The following TP63 variants were observed in gnomAD, a reference collection of about 807,000 sequenced individuals.
TP63 encodes tumor protein 63.
TP63 carries 17 observed loss-of-function variants against 82.8 expected under a neutral mutation model. The ratio of observed to expected loss-of-function variants is 0.21; its 90% CI spans 0.14 to 0.31. TP63 has a LOEUF of 0.31. TP63 is among the 10% of genes least tolerant of loss of function. The pLI is 1.00. For synonymous variants in TP63, 330 were observed against 321.7 expected (o/e 1.03, Z -0.28); for missense variants, 648 against 895.3 (o/e 0.72, Z 3.52).
the TP63 span, among the ~76,000 whole-genome samples, chr3:189,613,852 T>A: frequency 2.6e-5 from 4 of 152,212 alleles, no homozygotes; most frequent in Non-Finnish European, 4.4e-5. Context: ...GCATGGGCCC[T>A]GTAACCCCTT....
intron 1 of TP63, among the ~76,000 whole-genome samples, chr3:189,656,302 A>T (rs1474357546): frequency 6.6e-6 from 1 of 152,124 alleles, no homozygotes; most frequent in South Asian, 2.1e-4. Context: ...ACAGACTTAG[A>T]TTAGTTAAAA....
the TP63 span, among the ~76,000 whole-genome samples, chr3:189,619,526 A>G: frequency 6.6e-6 from 1 of 152,166 alleles, no homozygotes; most frequent in African/African-American, 2.4e-5. Context: ...TTGTTTTTGC[A>G]AAGAGGGCCT....
chr3:189,816,870 T>TA (rs1728245366), intron 4 of TP63, among the ~76,000 whole-genome samples: 1 of 152,128 alleles, frequency 6.6e-6, no homozygotes, highest in Non-Finnish European at 1.5e-5. Context: ...ACGTGAAATT[T>TA]AAAAGAAAAT....
At chr3:189,631,252 A>G, upstream of TP63, 1 of 985,388 alleles carries the variant, frequency 1.0e-6, no homozygotes, top group Non-Finnish European at 1.2e-6. Flanking sequence ...GGGGAAGAAC[A>G]ACAGTAGAGA....
chr3:189,767,720 T>TAGAC (rs1328568202), intron 3 of TP63, among the ~76,000 whole-genome samples: 1 of 152,124 alleles, frequency 6.6e-6, no homozygotes, highest in East Asian at 1.9e-4. Context: ...AATTGTCTGA[T>TAGAC]AGACAATAGA....
chr3:189,819,757 T>TG (rs938280908), intron 4 of TP63, among the ~76,000 whole-genome samples: 6 of 103,402 alleles, frequency 5.8e-5, no homozygotes, highest in African/African-American at 1.8e-4. Flanking sequence ...CTTTTTTTTT[T>TG]TTTTTTTTTT....
intron 3 of TP63, chr3:189,789,911 AC>A: frequency 6.9e-7 from 1 of 1,441,018 alleles, no homozygotes; most frequent in Non-Finnish European, 9.2e-7. Context: ...AAAAAAACTT[AC>A]GTATTTGCGG....
At chr3:189,819,768 T>TTTTTTTC (rs1553847710) in intron 4 of TP63, among the ~76,000 whole-genome samples, 4 of 120,550 alleles carry the variant, frequency 3.3e-5, no homozygotes, top group Admixed American at 9.3e-5. Flanking sequence ...TTTTTTTTTT[T>TTTTTTTC]TGAGACAGTC....
intron 1 of TP63, among the ~76,000 whole-genome samples, chr3:189,651,644 G>A (rs1417177710): frequency 4.1e-5 from 6 of 146,150 alleles, no homozygotes; most frequent in Non-Finnish European, 8.9e-5. Flanking sequence ...ACGAGGAGCC[G>A]AATGTTAATC....
chr3:189,768,158 T>G (rs1213727811), intron 3 of TP63, among the ~76,000 whole-genome samples: 1 of 152,160 alleles, frequency 6.6e-6, no homozygotes, highest in African/African-American at 2.4e-5. Flanking sequence ...CTGTTGCTGT[T>G]GCTGTTTTTT....
At chr3:189,643,914 G>A (rs1043413752) in intron 1 of TP63, among the ~76,000 whole-genome samples, 1 of 152,156 alleles carries the variant, frequency 6.6e-6, no homozygotes, top group African/African-American at 2.4e-5. Flanking sequence ...AACCATCAAA[G>A]TGATTTACTG....
At chr3:189,761,795 T>C (rs1358993655) in intron 3 of TP63, among the ~76,000 whole-genome samples, 1 of 152,184 alleles carries the variant, frequency 6.6e-6, no homozygotes, top group African/African-American at 2.4e-5. Flanking sequence ...TTATTGGACT[T>C]ACAGTTCCAC....
intron 4 of TP63, among the ~76,000 whole-genome samples, chr3:189,853,327 C>T (rs577698122): frequency 5.3e-4 from 80 of 152,314 alleles, no homozygotes; most frequent in African/African-American, 1.7e-3. Context: ...CAAGACCCGT[C>T]CTGCTCTACA....
At chr3:189,857,582 T>A (rs1311194254) in intron 4 of TP63, among the ~76,000 whole-genome samples, 3 of 152,262 alleles carry the variant, frequency 2.0e-5, no homozygotes, top group Non-Finnish European at 4.4e-5. Flanking sequence ...TAAATGTATA[T>A]CTGATAAAAG....
intron 3 of TP63, among the ~76,000 whole-genome samples, chr3:189,762,249 G>C (rs142928101): frequency 0.011 from 1,632 of 152,238 alleles, 10 homozygotes; most frequent in Non-Finnish European, 0.016. Flanking sequence ...TCAAAATATG[G>C]CAAAGAAACA....
intron 3 of TP63, among the ~76,000 whole-genome samples, chr3:189,781,805 C>T (rs1037947962): frequency 2.0e-5 from 3 of 152,176 alleles, no homozygotes; most frequent in African/African-American, 7.2e-5. Flanking sequence ...AAATTAGCTG[C>T]CTCACTGGCC....
At chr3:189,692,296 C>A (rs1242707151) in intron 1 of TP63, among the ~76,000 whole-genome samples, 1 of 151,784 alleles carries the variant, frequency 6.6e-6, no homozygotes, top group Non-Finnish European at 1.5e-5. Context: ...TGTTTTCCTT[C>A]TTTTTTCTTT....
chr3:189,705,527 T>C (rs1718131640), intron 1 of TP63, among the ~76,000 whole-genome samples: 1 of 152,152 alleles, frequency 6.6e-6, no homozygotes, highest in East Asian at 1.9e-4. Context: ...CTAAAACACA[T>C]CCTTATGGTG....
chr3:189,610,207 A>G, the TP63 span, among the ~76,000 whole-genome samples: 1 of 152,058 alleles, frequency 6.6e-6, no homozygotes, highest in Non-Finnish European at 1.5e-5. Context: ...CAATTTACCC[A>G]CTTTTTAATG....
Sources: gnomAD v4.1 joint callset for allele counts (sites outside exome capture counted in the v4.1 genomes callset) on GRCh38, gnomAD v4.1.1 for gene constraint, MANE v1.5 for transcripts, NCBI Gene and HGNC (gene_info 2026-07-23, HGNC 2026-07-21) for gene names.